SPMIP2: variants seen among roughly 807,000 people sequenced by gnomAD.
SPMIP2 encodes the protein sperm microtubule inner protein 2.
chr4:159,049,072 A>T, the SPMIP2 span, among the ~76,000 whole-genome samples: 12 of 152,148 alleles, frequency 7.9e-5, no homozygotes, highest in Non-Finnish European at 1.8e-4. Flanking sequence ...TTTTCATAGA[A>T]AGAAAATAAA....
chr4:158,985,029 C>T, the SPMIP2 span, among the ~76,000 whole-genome samples: 17 of 148,846 alleles, frequency 1.1e-4, no homozygotes, highest in South Asian at 4.3e-4. Flanking sequence ...ACTAGAAAAT[C>T]TAGAAGAAAT....
At chr4:158,903,005 G>A in the SPMIP2 span, among the ~76,000 whole-genome samples, 16 of 152,120 alleles carry the variant, frequency 1.1e-4, no homozygotes, top group African/African-American at 1.7e-4. Flanking sequence ...GTTCTGTCTC[G>A]CTAGCATTCC....
the SPMIP2 span, among the ~76,000 whole-genome samples, chr4:159,058,480 C>G: frequency 1.3e-5 from 2 of 152,086 alleles, no homozygotes; most frequent in Non-Finnish European, 2.9e-5. Flanking sequence ...GACTTCTTTT[C>G]TTATAAAAAT....
chr4:158,949,789 T>C, the SPMIP2 span, among the ~76,000 whole-genome samples: 2 of 152,208 alleles, frequency 1.3e-5, no homozygotes, highest in African/African-American at 4.8e-5. Context: ...TGGCTGCTAA[T>C]TAATGAAGTC....
the SPMIP2 span, among the ~76,000 whole-genome samples, chr4:158,918,374 T>G: frequency 2.0e-5 from 3 of 152,234 alleles, no homozygotes; most frequent in Admixed American, 2.0e-4. Flanking sequence ...TACAGATTAA[T>G]AGCTGGAAAT....
chr4:159,073,091 C>T, the SPMIP2 span, among the ~76,000 whole-genome samples: 1 of 152,160 alleles, frequency 6.6e-6, no homozygotes, highest in Non-Finnish European at 1.5e-5. Flanking sequence ...TGAATCCACA[C>T]AATGTCACAC....
chr4:159,003,770 C>T, the SPMIP2 span, among the ~76,000 whole-genome samples: 9 of 152,200 alleles, frequency 5.9e-5, no homozygotes, highest in African/African-American at 2.2e-4. Context: ...AAATACTCCT[C>T]TTTAAAGAGA....
At chr4:159,051,232 T>C in the SPMIP2 span, among the ~76,000 whole-genome samples, 3 of 152,210 alleles carry the variant, frequency 2.0e-5, no homozygotes, top group African/African-American at 7.2e-5. Flanking sequence ...TAAATGTGGT[T>C]TGAATTATGT....
At chr4:159,028,231 A>C in the SPMIP2 span, among the ~76,000 whole-genome samples, 3 of 152,224 alleles carry the variant, frequency 2.0e-5, no homozygotes, top group African/African-American at 7.2e-5. Flanking sequence ...TTTATGTCTT[A>C]TATTAACTAT....
At chr4:159,003,400 G>A in the SPMIP2 span, among the ~76,000 whole-genome samples, 2 of 152,016 alleles carry the variant, frequency 1.3e-5, no homozygotes, top group Non-Finnish European at 2.9e-5. Context: ...ATTAAGTAAG[G>A]TATTGTATGT....
At chr4:158,911,688 G>A in the SPMIP2 span, among the ~76,000 whole-genome samples, 1 of 152,136 alleles carries the variant, frequency 6.6e-6, no homozygotes, top group African/African-American at 2.4e-5. Context: ...TGACAGAAAT[G>A]CAAAATCTCA....
the SPMIP2 span, among the ~76,000 whole-genome samples, chr4:158,971,349 A>G: frequency 0.028 from 4,206 of 152,184 alleles, 186 homozygotes; most frequent in African/African-American, 0.093. Flanking sequence ...TTGGATTTTC[A>G]TTTTTATTGC....
chr4:158,983,352 A>G, the SPMIP2 span, among the ~76,000 whole-genome samples: 1 of 151,836 alleles, frequency 6.6e-6, no homozygotes, highest in East Asian at 1.9e-4. Flanking sequence ...TCCAAGACAC[A>G]TAATTGTCAG....
the SPMIP2 span, among the ~76,000 whole-genome samples, chr4:159,012,401 T>C: frequency 6.6e-6 from 1 of 152,196 alleles, no homozygotes; most frequent in Admixed American, 6.5e-5. Context: ...AATACCATAA[T>C]TCAATTCAGA....
chr4:159,026,142 T>A, the SPMIP2 span: 3 of 343,538 alleles, frequency 8.7e-6, no homozygotes, highest in South Asian at 9.0e-5. Flanking sequence ...GTTCAGCAGA[T>A]GGAAGATGAT....
At chr4:159,045,977 C>A in the SPMIP2 span, among the ~76,000 whole-genome samples, 1 of 152,110 alleles carries the variant, frequency 6.6e-6, no homozygotes, top group Non-Finnish European at 1.5e-5. Context: ...AGGCCGGGCA[C>A]GGTGGCTCCT....
At chr4:158,992,465 C>T in the SPMIP2 span, among the ~76,000 whole-genome samples, 2 of 152,160 alleles carry the variant, frequency 1.3e-5, no homozygotes, top group Non-Finnish European at 2.9e-5. Flanking sequence ...ATGCATCCTA[C>T]TGTAAATGTG....
chr4:159,014,226 G>C, the SPMIP2 span, among the ~76,000 whole-genome samples: 2 of 152,300 alleles, frequency 1.3e-5, no homozygotes, highest in East Asian at 3.9e-4. Context: ...AGGCCGAAGT[G>C]GGCGGATCAC....
the SPMIP2 span, among the ~76,000 whole-genome samples, chr4:158,945,065 C>G: frequency 6.7e-6 from 1 of 149,302 alleles, no homozygotes; most frequent in African/African-American, 2.6e-5. Flanking sequence ...CTTCATCGGT[C>G]TCTGTACTGT....
Sources: gnomAD v4.1 joint callset for allele counts (sites outside exome capture counted in the v4.1 genomes callset) on GRCh38, gnomAD v4.1.1 for gene constraint, MANE v1.5 for transcripts, NCBI Gene and HGNC (gene_info 2026-07-23, HGNC 2026-07-21) for gene names.